Variants in TCF3 observed in about 807,000 individuals in gnomAD.
TCF3 encodes transcription factor E2-alpha.
In TCF3, 54 loss-of-function variants were observed where a neutral mutation model predicts 72.3. The ratio of observed to expected loss-of-function variants is 0.75; its 90% CI spans 0.60 to 0.94. The LOEUF (loss-of-function observed/expected upper bound fraction) is 0.94, where lower values mean the gene tolerates loss of function less well. TCF3 is among the 40% of genes least tolerant of loss of function. The pLI is 0.00. For synonymous variants in TCF3, 525 were observed against 412.6 expected, an observed-to-expected ratio of 1.27 and a Z score of -3.30; for missense variants, 1,078 against 934.4, an observed-to-expected ratio of 1.15 and a Z score of -2.00.
intron 3 of TCF3, among the ~76,000 whole-genome samples, chr19:1,632,835 G>C (rs921173781): frequency 6.6e-6 from 1 of 152,214 alleles, no homozygotes; most frequent in Non-Finnish European, 1.5e-5. Context: ...GCTCATGACA[G>C]CATGAGGGTG....
At chr19:1,619,639 G>C in intron 14 of TCF3, 141 bp downstream of exon 14, 1 of 1,270,856 alleles carries the variant, frequency 7.9e-7, no homozygotes, top group Non-Finnish European at 1.1e-6. Flanking sequence ...CAAAATGTGT[G>C]TGCCTTGGCG....
chr19:1,643,140 A>C (rs1042581397), intron 3 of TCF3, among the ~76,000 whole-genome samples: 1 of 152,164 alleles, frequency 6.6e-6, no homozygotes, highest in Non-Finnish European at 1.5e-5. Context: ...GGCGTACGAA[A>C]ATTATTCCCG....
In TCF3 at chr19:1,610,530, C is replaced by G. The variant is rs2060907401; in HGVS notation, c.*1177G>C. The G allele has an allele frequency of 2.2e-5, 5 of 231,502 alleles. No homozygotes were observed. The South Asian group carries it at 9.1e-4, about 42-fold the overall frequency. 14.3% of individuals were successfully genotyped at this position (231,502 alleles called of 1,614,324 possible). ...GGCAAAGGAGTGAAGGACAGGGTGT[C>G]CAGGAGGTCCCCAGCACCGGGCTCC... On this transcript the variant is annotated 3_prime_UTR_variant, in exon 19 of 19. Coordinates refer to ENST00000262965, the MANE Select transcript of TCF3 (RefSeq NM_003200.5).
chr19:1,621,314 G>C, intron 11 of TCF3, 123 bp from the exon 12 acceptor site: 1 of 1,237,106 alleles, frequency 8.1e-7, no homozygotes, highest in Non-Finnish European at 1.1e-6. Context: ...GCCTGACTCG[G>C]GTCCGGTTTC....
At position 1,624,003 on chromosome 19, in the gene TCF3, G is replaced by A. The variant is rs773021901; in HGVS notation, c.500-3C>T. The A allele has an allele frequency of 1.2e-5, 19 of 1,613,290 alleles. No individual in the cohort carries two copies. The highest frequency in any genetic ancestry group is 1.5e-5 in the Non-Finnish European group (18 of 1,179,942). On this transcript the variant is annotated splice_region_variant and splice_polypyrimidine_tract_variant and intron_variant, in intron 7 of 18. Transcript: ENST00000262965. ...CCGGACCTTCTTGGGCTGCGTGTCTGTTAGAAGCAAAAGGGGTGAGAACCG... is the reference window on the plus strand; with the variant it reads ...CCGGACCTTCTTGGGCTGCGTGTCTATTAGAAGCAAAAGGGGTGAGAACCG...
intron 18 of TCF3, chr19:1,612,473 AGGCTGGGTGGGAGGGCAG>A (rs1568314828): frequency 1.3e-6 from 1 of 751,880 alleles, no homozygotes; most frequent in South Asian, 1.4e-5. Context: ...TGATGCGCCA[AGGCTGGGTGGGAGGGCAG>A]GGCTGGGTTG....
intron 5 of TCF3, among the ~76,000 whole-genome samples, chr19:1,631,406 C>T (rs1032834026): frequency 1.8e-4 from 27 of 152,228 alleles, no homozygotes; most frequent in African/African-American, 6.3e-4. Flanking sequence ...GTAGTTGGCA[C>T]TATAAGCATC....
chr19:1,629,453 G>A (rs112806387), intron 5 of TCF3, among the ~76,000 whole-genome samples: 20 of 152,170 alleles, frequency 1.3e-4, no homozygotes, highest in African/African-American at 4.3e-4. Flanking sequence ...GTGAGGCCTC[G>A]GGGCTACGGA....
At chr19:1,636,894 C>T (rs1310057595) in intron 3 of TCF3, among the ~76,000 whole-genome samples, 3 of 152,162 alleles carry the variant, frequency 2.0e-5, no homozygotes, top group Non-Finnish European at 4.4e-5. Context: ...GTGGCCCGCC[C>T]GCGAGCAGAC....
At chr19:1,619,499 G>A in intron 14 of TCF3, 25 bp from the exon 15 acceptor site, 2 of 1,557,280 alleles carry the variant, frequency 1.3e-6, no homozygotes, top group South Asian at 1.1e-5. Flanking sequence ...GATGGGTGGT[G>A]AGGGGCCCAA....
chr19:1,618,428 C>G (rs775462134), intron 16 of TCF3, among the ~76,000 whole-genome samples: 23 of 152,136 alleles, frequency 1.5e-4, no homozygotes, highest in Non-Finnish European at 3.4e-4. Flanking sequence ...CAGCCCTCCA[C>G]GGCTGCCACC....
At chr19:1,629,892 G>T (rs185792387) in intron 5 of TCF3, among the ~76,000 whole-genome samples, 1 of 152,168 alleles carries the variant, frequency 6.6e-6, no homozygotes. Context: ...GACCCGGGGG[G>T]ACATGGGGAA....
At chr19:1,621,317 C>G (rs1381933553) in intron 11 of TCF3, 126 bp from the exon 12 acceptor site, 2 of 1,211,228 alleles carry the variant, frequency 1.7e-6, no homozygotes, top group Non-Finnish European at 2.3e-6. Flanking sequence ...TGACTCGGGT[C>G]CGGTTTCTGT....
At chr19:1,649,323 C>A (rs75428938) in intron 2 of TCF3, among the ~76,000 whole-genome samples, 3 of 152,214 alleles carry the variant, frequency 2.0e-5, no homozygotes, top group African/African-American at 4.8e-5. Context: ...GTTTCATGCC[C>A]GCATCCTCTG....
chr19:1,623,527 G>A (rs938248792), intron 8 of TCF3, among the ~76,000 whole-genome samples: 1 of 152,000 alleles, frequency 6.6e-6, no homozygotes, highest in Non-Finnish European at 1.5e-5. Context: ...GGGATTACAG[G>A]CACGCACCAC....
Position 1,619,161 on chromosome 19 carries a change from C to A in TCF3, c.1400G>T (p.Ser467Ile). The change falls in exon 16 of 19, where the codon AGC becomes ATC. Residue 467 changes from serine to isoleucine, a missense_variant. Transcript: ENST00000262965. Reference protein sequence around the residue: ...SLMHNHAALPSQPGTLPDLSR... With the variant: ...SLMHNHAALPIQPGTLPDLSR... ...CAGGTCAGGGAGGGTGCCTGGCTGGCTGGGGAGGGCCGCGTGGTTGTGCAT... is the reference window on the plus strand; with the variant it reads ...CAGGTCAGGGAGGGTGCCTGGCTGGATGGGGAGGGCCGCGTGGTTGTGCAT... The A allele has an allele frequency of 1.9e-6, 3 of 1,600,178 alleles. No individual in the cohort carries two copies. The highest frequency in any genetic ancestry group is 1.1e-5 in the South Asian group (1 of 91,058).
intron 8 of TCF3, among the ~76,000 whole-genome samples, chr19:1,623,617 CA>C (rs1039269669): frequency 8.5e-5 from 13 of 152,110 alleles, no homozygotes; most frequent in Admixed American, 8.5e-4. Context: ...CTCCTGACCT[CA>C]GGTGATCCAC....
At chr19:1,627,221 G>GC (rs2062995386) in intron 6 of TCF3, 138 bp downstream of exon 6, 3 of 451,872 alleles carry the variant, frequency 6.6e-6, no homozygotes, top group Non-Finnish European at 1.2e-5. Flanking sequence ...GCCCACCCTG[G>GC]CCCAAGCCCA....
At chr19:1,612,755 T>C (rs923841735) in intron 18 of TCF3, among the ~76,000 whole-genome samples, 3 of 141,082 alleles carry the variant, frequency 2.1e-5, no homozygotes, top group Admixed American at 1.4e-4. Context: ...ACGGCTTACG[T>C]TGGTGGACAC....
Sources: gnomAD v4.1 joint callset for allele counts (sites outside exome capture counted in the v4.1 genomes callset) on GRCh38, gnomAD v4.1.1 for gene constraint, MANE v1.5 for transcripts, NCBI Gene and HGNC (gene_info 2026-07-23, HGNC 2026-07-21) for gene names.